POU3F3: variants seen among roughly 807,000 people sequenced by gnomAD.
The protein encoded by POU3F3 is POU class 3 homeobox 3.
A neutral mutation model predicts 8.6 loss-of-function variants in POU3F3; 1 was observed. That is an observed-to-expected ratio of 0.12 (90% CI 0.04 to 0.55). The LOEUF (loss-of-function observed/expected upper bound fraction) is 0.55, where lower values mean the gene tolerates loss of function less well. Ranked by LOEUF, POU3F3 falls within the 20% of genes least tolerant of loss-of-function variation. POU3F3 has a pLI of 0.91. For synonymous variants in POU3F3, 418 were observed against 327.4 expected, an observed-to-expected ratio of 1.28 and a Z score of -2.99; for missense variants, 577 against 690.7, an observed-to-expected ratio of 0.84 and a Z score of 1.84.
chr2:104,856,203 C>A lies in POU3F3; in HGVS notation c.693C>A (p.Asn231Lys). Residue 231 changes from asparagine to lysine, a missense_variant, in exon 1 of 1, where the codon AAC becomes AAA. Asn to Lys is a moderately conservative substitution (Grantham distance 94). Transcript: ENST00000361360. ...LYSQPGGFTV[N>K]GMLSAPPGPG... ...CGCAGCCCGGAGGCTTCACGGTGAA[C>A]GGCATGCTGAGCGCGCCACCGGGGC... is the stretch of plus-strand genomic sequence containing the variant. The A allele has an allele frequency of 1.6e-6, 2 of 1,265,346 alleles. No individual in the cohort carries two copies. Among genetic ancestry groups the A allele is most frequent in the Non-Finnish European group, 2.0e-6 (2 of 1,013,090 alleles). 78.4% of individuals were successfully genotyped at this position (1,265,346 alleles called of 1,614,324 possible). A position where few individuals can be genotyped will look rare whatever the true frequency, so the allele number is the denominator to read the frequency against.
the POU3F3 span, among the ~76,000 whole-genome samples, chr2:104,913,699 A>C: frequency 6.6e-6 from 1 of 152,116 alleles, no homozygotes; most frequent in East Asian, 1.9e-4. Context: ...CATTTTTAAA[A>C]CCTTTTCACT....
chr2:104,862,447 G>T (rs370119959), downstream of POU3F3, among the ~76,000 whole-genome samples: 21 of 152,222 alleles, frequency 1.4e-4, no homozygotes, highest in Admixed American at 3.3e-4. Flanking sequence ...ACGGGGTCAG[G>T]TGTAAGGCCT....
chr2:104,875,349 A>G, the POU3F3 span, among the ~76,000 whole-genome samples: 1 of 152,222 alleles, frequency 6.6e-6, no homozygotes, highest in Non-Finnish European at 1.5e-5. Context: ...TTCAGCGTGT[A>G]CCCAGAAGTA....
the POU3F3 span, among the ~76,000 whole-genome samples, chr2:104,891,682 G>A: frequency 6.6e-6 from 1 of 152,202 alleles, no homozygotes; most frequent in Non-Finnish European, 1.5e-5. Context: ...GGCAGAGAAG[G>A]CACTTCTCTT....
chr2:104,889,570 C>T, the POU3F3 span, among the ~76,000 whole-genome samples: 2 of 152,194 alleles, frequency 1.3e-5, no homozygotes, highest in Admixed American at 6.5e-5. Flanking sequence ...AACTGAGTAA[C>T]TCAGCCAAGG....
the POU3F3 span, among the ~76,000 whole-genome samples, chr2:104,920,698 A>G: frequency 6.6e-6 from 1 of 152,148 alleles, no homozygotes; most frequent in Non-Finnish European, 1.5e-5. Context: ...TATTTTAGGC[A>G]CTTCTAGTAT....
chr2:104,888,202 G>T, the POU3F3 span, among the ~76,000 whole-genome samples: 1 of 152,202 alleles, frequency 6.6e-6, no homozygotes, highest in Non-Finnish European at 1.5e-5. Context: ...GTGCGAAATG[G>T]ACATATTTTT....
the POU3F3 span, among the ~76,000 whole-genome samples, chr2:104,905,279 C>T: frequency 6.6e-6 from 1 of 152,106 alleles, no homozygotes; most frequent in African/African-American, 2.4e-5. Context: ...GTAATACATG[C>T]AATTTTTTAA....
At chr2:104,864,673 T>A in the POU3F3 span, among the ~76,000 whole-genome samples, 1 of 152,340 alleles carries the variant, frequency 6.6e-6, no homozygotes, top group South Asian at 2.1e-4. Context: ...GGAAACAGAA[T>A]TTTTGCTTTA....
chr2:104,877,856 C>T, the POU3F3 span, among the ~76,000 whole-genome samples: 431 of 152,084 alleles, frequency 2.8e-3, 4 homozygotes, highest in African/African-American at 0.01. Context: ...CGGGGTTTCA[C>T]CATGTTGGCC....
chr2:104,892,136 C>T, the POU3F3 span, among the ~76,000 whole-genome samples: 3 of 152,192 alleles, frequency 2.0e-5, no homozygotes, highest in Admixed American at 6.5e-5. Flanking sequence ...GCCTTCTGCA[C>T]ACTGCTGGGC....
Position 104,856,067 on chromosome 2 carries a change from G to T in POU3F3, c.557G>T (p.Gly186Val). The T allele has an allele frequency of 9.9e-7, 1 of 1,006,516 alleles. No homozygotes were observed. 62.3% of individuals were successfully genotyped at this position (1,006,516 alleles called of 1,614,324 possible). A position where few individuals can be genotyped will look rare whatever the true frequency, so the allele number is the denominator to read the frequency against. ...CCCCCACACCAGGGCCACCCTGGGG[G>T]CTGGGGGGCGGCCGCCGCTGCCGCA... is the stretch of plus-strand genomic sequence containing the variant. ...PPPPHQGHPG[G>V]WGAAAAAAAA... The change falls in exon 1 of 1, where the codon GGC becomes GTC. Residue 186 changes from glycine to valine, a missense_variant. Around this residue, in one of 7 missense-constraint regions of POU3F3, gnomAD observed 484 missense variants for 422.6 expected, o/e 1.15. Transcript: ENST00000361360.
the POU3F3 span, among the ~76,000 whole-genome samples, chr2:104,868,706 C>G: frequency 1.3e-5 from 2 of 152,160 alleles, no homozygotes; most frequent in African/African-American, 4.8e-5. Flanking sequence ...GCTGGCGGGT[C>G]TGGTTTGGGC....
the POU3F3 span, among the ~76,000 whole-genome samples, chr2:104,912,937 A>G: frequency 6.6e-6 from 1 of 152,236 alleles, no homozygotes; most frequent in Non-Finnish European, 1.5e-5. Context: ...AGCATTACTC[A>G]TCTCCAGACT....
chr2:104,885,600 T>C, the POU3F3 span, among the ~76,000 whole-genome samples: 3 of 152,234 alleles, frequency 2.0e-5, no homozygotes, highest in Admixed American at 2.0e-4. Context: ...AATTTACAAA[T>C]GCCATGGCAA....
downstream of POU3F3, among the ~76,000 whole-genome samples, chr2:104,858,930 T>C (rs1240521577): frequency 1.3e-5 from 2 of 152,218 alleles, no homozygotes; most frequent in Non-Finnish European, 2.9e-5. Context: ...GCCAACTGGC[T>C]ATTAATGGTT....
the POU3F3 span, among the ~76,000 whole-genome samples, chr2:104,910,069 T>C: frequency 9.2e-5 from 14 of 152,216 alleles, no homozygotes. Flanking sequence ...TGTTATTGTA[T>C]AGATGGTCTA....
chr2:104,925,807 A>ATC, the POU3F3 span: 1 of 151,768 alleles, frequency 6.6e-6, no homozygotes, highest in Admixed American at 6.5e-5. Flanking sequence ...TAAAGAACTT[A>ATC]GACTCTGAGG....
In POU3F3 at chr2:104,856,394, G is replaced by T. The variant is rs1676569721; in HGVS notation, c.884G>T (p.Gly295Val). Reference sequence around the variant, plus strand: ...CACGCGCAGGGACCCCCGCACCACGGCGGCGGCGGCGGCGGCGCGGGGCCT... The same window carrying T: ...CACGCGCAGGGACCCCCGCACCACGTCGGCGGCGGCGGCGGCGCGGGGCCT... ...PHHAQGPPHH[G>V]GGGGGAGPGL... Residue 295 changes from glycine (G) to valine (V), a missense_variant, in exon 1 of 1, where the codon GGC becomes GTC. Around this residue, in one of 7 missense-constraint regions of POU3F3, gnomAD observed 484 missense variants for 422.6 expected, o/e 1.15. Coordinates refer to ENST00000361360, the MANE Select transcript of POU3F3 (RefSeq NM_006236.3). The T allele has an allele frequency of 6.5e-7, 1 of 1,534,630 alleles. No individual in the cohort carries two copies. Among genetic ancestry groups the T allele is most frequent in the Non-Finnish European group, 8.7e-7 (1 of 1,143,496 alleles).
Sources: allele counts gnomAD v4.1 joint callset (sites outside exome capture counted in the v4.1 genomes callset), GRCh38; gene constraint gnomAD v4.1.1; regional missense constraint gnomAD v4.1.1; transcripts MANE v1.5; gene names NCBI Gene and HGNC (gene_info 2026-07-23, HGNC 2026-07-21).